ADAM22: variants seen among roughly 807,000 people sequenced by gnomAD.
ADAM22 encodes disintegrin and metalloproteinase domain-containing protein 22.
Under a neutral mutation model 144.6 loss-of-function variants are expected in ADAM22, and 65 were observed. The ratio of observed to expected loss-of-function variants is 0.45; its 90% CI spans 0.37 to 0.55. The LOEUF (loss-of-function observed/expected upper bound fraction) is 0.55, where lower values mean the gene tolerates loss of function less well. Ranked by LOEUF, ADAM22 falls within the 20% of genes least tolerant of loss-of-function variation. The pLI, the probability that ADAM22 is intolerant of heterozygous loss-of-function variation, is 0.00. For missense variants in ADAM22, 974 were observed against 1,184.9 expected (o/e 0.82, Z 2.61); for synonymous variants, 391 against 412.6 (o/e 0.95, Z 0.63).
chr7:88,113,662 G>GTGTATA (rs150873751), intron 5 of ADAM22, among the ~76,000 whole-genome samples: 4 of 106,920 alleles, frequency 3.7e-5, no homozygotes, highest in African/African-American at 1.6e-4. Context: ...ATGTGTGTGT[G>GTGTATA]TATATATATA....
chr7:88,054,971 A>G (rs1171205449), intron 3 of ADAM22, among the ~76,000 whole-genome samples: 1 of 152,162 alleles, frequency 6.6e-6, no homozygotes, highest in Admixed American at 6.5e-5. Flanking sequence ...CAAACTAATT[A>G]AAGTCAGTAG....
chr7:88,171,958 ATTTAT>A lies in ADAM22; in HGVS notation c.2300+400_2300+404del, dbSNP rs1844438681. Reference sequence around the variant, plus strand: ...TTATTGCCTAATACTTTCTGAGGGAATTTATTTATTACTGTTTTTATATTAATAAT... The same window carrying A: ...TTATTGCCTAATACTTTCTGAGGGAATTATTACTGTTTTTATATTAATAAT... On this transcript the variant is annotated intron_variant, in intron 26 of 31. Coordinates refer to ENST00000413139, the MANE Select transcript of ADAM22 (RefSeq NM_001324418.2). Among the ~76,000 whole-genome samples, 3 of 151,876 alleles carry A rather than the reference ATTTAT, an allele frequency of 2.0e-5. No homozygotes were observed. The South Asian group carries it at 6.2e-4, about 31-fold the overall frequency.
intron 3 of ADAM22, among the ~76,000 whole-genome samples, chr7:88,005,036 A>G (rs1034612043): frequency 4.6e-5 from 7 of 152,094 alleles, no homozygotes; most frequent in Non-Finnish European, 5.9e-5. Context: ...GCATTCTTGT[A>G]GTAGTCCCAG....
intron 26 of ADAM22, among the ~76,000 whole-genome samples, chr7:88,178,183 C>T (rs1846136760): frequency 6.6e-6 from 1 of 152,126 alleles, no homozygotes; most frequent in Non-Finnish European, 1.5e-5. Context: ...TTCACTTGGG[C>T]ACTCCTACTA....
At chr7:88,001,879 A>G (rs1407402203) in intron 3 of ADAM22, among the ~76,000 whole-genome samples, 2 of 151,984 alleles carry the variant, frequency 1.3e-5, no homozygotes, top group East Asian at 1.9e-4. Context: ...TTGAGTAGGG[A>G]TATAAAAGAC....
At chr7:87,994,630 C>T (rs1050720228) in intron 3 of ADAM22, among the ~76,000 whole-genome samples, 3 of 151,798 alleles carry the variant, frequency 2.0e-5, no homozygotes, top group African/African-American at 7.3e-5. Flanking sequence ...CTGATCCCAC[C>T]CTGATTCCTC....
At chr7:88,053,539 A>G (rs1807106585) in intron 3 of ADAM22, among the ~76,000 whole-genome samples, 1 of 151,202 alleles carries the variant, frequency 6.6e-6, no homozygotes, top group Admixed American at 6.6e-5. Flanking sequence ...AGATTTCAGG[A>G]TAACTCAAAA....
intron 29 of ADAM22, among the ~76,000 whole-genome samples, chr7:88,182,335 C>T (rs1262230161): frequency 6.6e-6 from 1 of 152,112 alleles, no homozygotes; most frequent in Non-Finnish European, 1.5e-5. Flanking sequence ...TTCTTCTCAT[C>T]ATCTGGGATT....
Position 88,000,728 on chromosome 7 carries a change from T to G in ADAM22, c.323+22316T>G, listed in dbSNP as rs1792347992. Among the ~76,000 whole-genome samples, 6 of 152,178 alleles carry G rather than the reference T, an allele frequency of 3.9e-5. 1 individual carries two copies. In the South Asian group the frequency reaches 1.2e-3, roughly 31 times the overall value. On this transcript the variant is annotated intron_variant, in intron 3 of 31. Coordinates refer to ENST00000413139, the MANE Select transcript of ADAM22 (RefSeq NM_001324418.2). The stretch of plus-strand genomic sequence containing the variant: ...ACAAAAATAACATTACAAATGAAGC[T>G]CTGAGATGGATACCAGTACTGATGA...
chr7:88,056,567 T>C (rs921514057), intron 3 of ADAM22, among the ~76,000 whole-genome samples: 6 of 152,242 alleles, frequency 3.9e-5, no homozygotes, highest in Non-Finnish European at 7.3e-5. Flanking sequence ...GTTCATCAGA[T>C]AATTGTGAAA....
At chr7:88,163,898 T>C (rs1161425437) in intron 23 of ADAM22, among the ~76,000 whole-genome samples, 1 of 152,130 alleles carries the variant, frequency 6.6e-6, no homozygotes, top group Non-Finnish European at 1.5e-5. Flanking sequence ...TGCTATGGCA[T>C]TCTTTTTATT....
chr7:88,025,010 A>C (rs1798695964), intron 3 of ADAM22, among the ~76,000 whole-genome samples: 1 of 152,164 alleles, frequency 6.6e-6, no homozygotes, highest in Admixed American at 6.5e-5. Context: ...CGCAATAAAC[A>C]TACGTGTGCA....
rs1288124930 is a variant in ADAM22 at position 88,156,770 on chromosome 7, G to C, written c.1907+764G>C. On this transcript the variant is annotated intron_variant, in intron 22 of 31. Transcript: ENST00000413139. ...AGAGAATAAACGAGGAGGTTTCTAAGCTGGAGGACAGCAAGCAATATTTAT... is the reference window on the plus strand; with the variant it reads ...AGAGAATAAACGAGGAGGTTTCTAACCTGGAGGACAGCAAGCAATATTTAT... 2.0e-5 allele frequency among the ~76,000 whole-genome samples: 3 copies of C among 152,156 alleles called. No individual in the cohort carries two copies. The East Asian group carries it at 5.8e-4, about 29-fold the overall frequency.
intron 3 of ADAM22, among the ~76,000 whole-genome samples, chr7:88,051,252 G>T (rs2129474144): frequency 6.6e-6 from 1 of 152,264 alleles, no homozygotes; most frequent in Middle Eastern, 3.4e-3. Flanking sequence ...ACATGCACAT[G>T]TATGTTTATT....
chr7:88,143,208 A>T (rs1233156705), intron 15 of ADAM22, 83 bp downstream of exon 15: 1 of 987,776 alleles, frequency 1.0e-6, no homozygotes, highest in East Asian at 2.5e-5. Context: ...CAGCTATTGA[A>T]TCTTAGAGAG....
intron 19 of ADAM22, 63 bp downstream of exon 19, chr7:88,151,094 C>T (rs536379129): frequency 6.4e-7 from 1 of 1,563,264 alleles, no homozygotes; most frequent in Non-Finnish European, 8.8e-7. Flanking sequence ...ATACTGAAAT[C>T]TTATCAAAAT....
At chr7:88,022,062 T>C (rs1797961798) in intron 3 of ADAM22, among the ~76,000 whole-genome samples, 1 of 151,756 alleles carries the variant, frequency 6.6e-6, no homozygotes, top group Non-Finnish European at 1.5e-5. Context: ...TTATTTTTAT[T>C]TTTATTTTTT....
intron 4 of ADAM22, among the ~76,000 whole-genome samples, chr7:88,086,192 A>G (rs990271047): frequency 6.6e-6 from 1 of 152,146 alleles, no homozygotes; most frequent in Non-Finnish European, 1.5e-5. Context: ...AAAATAAAAT[A>G]ATAATGTTTT....
rs1586629579 is a variant in ADAM22, at chr7:88,188,812, C to T, written c.2750+2111C>T. ...AGATCTGCTTCATCTGTGGCCAGGTCATTCAGGATTACCCTTCCTGTCAAA... is the reference window on the plus strand; with the variant it reads ...AGATCTGCTTCATCTGTGGCCAGGTTATTCAGGATTACCCTTCCTGTCAAA... On this transcript the variant is annotated intron_variant, in intron 30 of 31. Coordinates refer to ENST00000413139, the MANE Select transcript of ADAM22 (RefSeq NM_001324418.2). 2.0e-5 allele frequency among the ~76,000 whole-genome samples: 3 copies of T among 152,336 alleles called. No homozygotes were observed. In the South Asian group the frequency reaches 6.2e-4, roughly 32 times the overall value.
Sources: gnomAD v4.1 joint callset for allele counts (sites outside exome capture counted in the v4.1 genomes callset) on GRCh38, gnomAD v4.1.1 for gene constraint, MANE v1.5 for transcripts, NCBI Gene and HGNC (gene_info 2026-07-23, HGNC 2026-07-21) for gene names.